MARCHF1: variants seen among roughly 807,000 people sequenced by gnomAD.
MARCHF1 encodes membrane associated ring-CH-type finger 1, also known as E3 ubiquitin-protein ligase MARCHF1.
MARCHF1 carries 40 observed loss-of-function variants against 54.2 expected under a neutral mutation model. The ratio of observed to expected loss-of-function variants is 0.74; its 90% CI spans 0.57 to 0.96. The LOEUF (loss-of-function observed/expected upper bound fraction) is 0.96. Among genes scored for constraint, MARCHF1 ranks in the 40% least tolerant of loss-of-function variants. The probability of loss-of-function intolerance (pLI) is 0.00; values close to 1 mark genes in which losing one functional copy is unlikely to be tolerated. For synonymous variants in MARCHF1, 236 were observed against 236.3 expected (o/e 1.00, Z 0.01); for missense variants, 586 against 656.5 (o/e 0.89, Z 1.17).
intron 1 of MARCHF1, among the ~76,000 whole-genome samples, chr4:164,274,681 TTTTTTTTTTTTTTTA>T: frequency 7.9e-6 from 1 of 126,620 alleles, no homozygotes; most frequent in African/African-American, 3.1e-5. Context: ...TTTTTTTTTT[TTTTTTTTTTTTTTTA>T]GACGGAGTCT....
At chr4:164,209,189 A>T (rs916715811) in intron 1 of MARCHF1, among the ~76,000 whole-genome samples, 1 of 152,182 alleles carries the variant, frequency 6.6e-6, no homozygotes, top group Non-Finnish European at 1.5e-5. Context: ...GTGGCTTAAC[A>T]TATTAGTTTC....
At chr4:163,546,274 G>A (rs974219019) in intron 8 of MARCHF1, among the ~76,000 whole-genome samples, 2 of 152,016 alleles carry the variant, frequency 1.3e-5, no homozygotes, top group Admixed American at 1.3e-4. Flanking sequence ...CCCTGTGCCC[G>A]GCCTAACTCA....
intron 1 of MARCHF1, among the ~76,000 whole-genome samples, chr4:164,207,587 G>GT (rs1731645704): frequency 2.0e-5 from 3 of 152,176 alleles, no homozygotes; most frequent in African/African-American, 4.8e-5. Flanking sequence ...TGTGCTGGGG[G>GT]GACTGAGGTG....
chr4:164,205,269 A>G (rs998967844), intron 1 of MARCHF1, among the ~76,000 whole-genome samples: 3 of 152,352 alleles, frequency 2.0e-5, no homozygotes, highest in East Asian at 1.9e-4. Context: ...TGAGCAGTCA[A>G]TATGTCCTCA....
intron 3 of MARCHF1, among the ~76,000 whole-genome samples, chr4:163,881,420 A>G (rs2111244330): frequency 6.6e-6 from 1 of 152,222 alleles, no homozygotes; most frequent in East Asian, 1.9e-4. Flanking sequence ...GCAGTGAGCC[A>G]AAATAGCACC....
chr4:164,265,559 T>C (rs1733589809), intron 1 of MARCHF1, among the ~76,000 whole-genome samples: 1 of 149,568 alleles, frequency 6.7e-6, no homozygotes. Flanking sequence ...AAACATTTGA[T>C]GGAATCATGC....
At chr4:163,850,690 A>G (rs1013179858) in intron 4 of MARCHF1, among the ~76,000 whole-genome samples, 5 of 152,186 alleles carry the variant, frequency 3.3e-5, no homozygotes, top group African/African-American at 1.2e-4. Context: ...TAGTTGCATA[A>G]TGTTTTGTCA....
chr4:163,923,573 T>A (rs2111370296), intron 3 of MARCHF1, among the ~76,000 whole-genome samples: 1 of 152,226 alleles, frequency 6.6e-6, no homozygotes, highest in African/African-American at 2.4e-5. Flanking sequence ...GATACTATCT[T>A]ATATGCTATC....
At chr4:164,336,174 T>C (rs1729734676) in intron 1 of MARCHF1, among the ~76,000 whole-genome samples, 1 of 152,118 alleles carries the variant, frequency 6.6e-6, no homozygotes, top group African/African-American at 2.4e-5. Flanking sequence ...TCTTGATAGA[T>C]GAGAGATGAA....
At chr4:164,211,362 T>A (rs1731769635) in intron 1 of MARCHF1, among the ~76,000 whole-genome samples, 1 of 144,206 alleles carries the variant, frequency 6.9e-6, no homozygotes, top group Non-Finnish European at 1.5e-5. Context: ...TATACCACAT[T>A]GCAACCTGCA....
intron 2 of MARCHF1, among the ~76,000 whole-genome samples, chr4:164,091,410 T>TTTATATATA (rs145149996): frequency 1.2e-4 from 17 of 136,926 alleles, no homozygotes; most frequent in African/African-American, 4.1e-4. Context: ...TCACCAAGTT[T>TTTATATATA]TATATATATA....
intron 1 of MARCHF1, among the ~76,000 whole-genome samples, chr4:164,345,573 C>CATCATCATAATA (rs1379040625): frequency 1.4e-5 from 2 of 143,390 alleles, no homozygotes; most frequent in African/African-American, 5.2e-5. Flanking sequence ...CTGTCTCAAA[C>CATCATCATAATA]ATAATAATAA....
intron 3 of MARCHF1, among the ~76,000 whole-genome samples, chr4:163,858,397 A>G (rs1177589919): frequency 1.3e-5 from 2 of 152,054 alleles, no homozygotes; most frequent in Non-Finnish European, 2.9e-5. Flanking sequence ...CCCATTCCAT[A>G]TCTTATCTAG....
At chr4:163,694,687 G>T (rs1479093767) in intron 5 of MARCHF1, among the ~76,000 whole-genome samples, 1 of 152,078 alleles carries the variant, frequency 6.6e-6, no homozygotes, top group African/African-American at 2.4e-5. Context: ...TACACATTTT[G>T]TGGGAAATTT....
At chr4:163,927,594 A>G (rs1388023319) in intron 3 of MARCHF1, among the ~76,000 whole-genome samples, 1 of 151,826 alleles carries the variant, frequency 6.6e-6, no homozygotes, top group Non-Finnish European at 1.5e-5. Context: ...AATTCAAGAA[A>G]TAACTTTTCC....
intron 1 of MARCHF1, among the ~76,000 whole-genome samples, chr4:164,158,523 C>A (rs902398436): frequency 1.3e-5 from 2 of 152,058 alleles, no homozygotes; most frequent in African/African-American, 2.4e-5. Flanking sequence ...CGCCTATAAT[C>A]CCAGCTACTT....
intron 4 of MARCHF1, among the ~76,000 whole-genome samples, chr4:163,827,834 G>C (rs1231678411): frequency 2.0e-5 from 3 of 152,068 alleles, no homozygotes; most frequent in Non-Finnish European, 2.9e-5. Flanking sequence ...ATGAAAACAA[G>C]ACCTTTCTTT....
At chr4:163,542,652 C>T (rs1404618947) in intron 9 of MARCHF1, among the ~76,000 whole-genome samples, 2 of 152,198 alleles carry the variant, frequency 1.3e-5, no homozygotes, top group African/African-American at 4.8e-5. Context: ...ACTCTCCATC[C>T]TTAGCCAGCA....
intron 1 of MARCHF1, among the ~76,000 whole-genome samples, chr4:164,375,071 T>C (rs2062943): frequency 0.38 from 57,127 of 152,010 alleles, 12,518 homozygotes; most frequent in Non-Finnish European, 0.49. Flanking sequence ...ATTTCAAATT[T>C]GGGAGAATTT....
Sources: allele counts gnomAD v4.1 joint callset (sites outside exome capture counted in the v4.1 genomes callset), GRCh38; gene constraint gnomAD v4.1.1; transcripts MANE v1.5; gene names NCBI Gene and HGNC (gene_info 2026-07-23, HGNC 2026-07-21).